TK2: variants seen among roughly 807,000 people sequenced by gnomAD.
TK2 encodes the protein thymidine kinase 2, mitochondrial.
In TK2, 35 loss-of-function variants were observed where a neutral mutation model predicts 41.9. The observed-to-expected ratio is 0.84, with a 90% confidence interval of 0.64 to 1.11. The LOEUF (loss-of-function observed/expected upper bound fraction) is 1.11, where lower values mean the gene tolerates loss of function less well. Among genes scored for constraint, TK2 ranks in the 50% least tolerant of loss-of-function variants. The pLI is 0.00. For synonymous variants in TK2, 128 were observed against 129.1 expected (o/e 0.99, Z 0.06); for missense variants, 320 against 351.1 (o/e 0.91, Z 0.71).
Position 66,550,055 on chromosome 16 carries a change from G to A in TK2, c.7C>T (p.Leu3=). Residue 3 remains leucine (L), a synonymous_variant, in exon 1 of 10, where the codon CTG becomes TTG. Transcript: ENST00000544898. ML[L]WPLRGWAARA... is the part of the protein sequence containing the mutation. Reference sequence around the variant, plus strand: ...GCGGCCCAGCCCCGCAGCGGCCACAGCAGCATAGCCGGGCGAGCGGATCCA... The same window carrying A: ...GCGGCCCAGCCCCGCAGCGGCCACAACAGCATAGCCGGGCGAGCGGATCCA... 1 of 1,579,090 alleles carries A rather than the reference G, an allele frequency of 6.3e-7. No homozygotes were observed. Among genetic ancestry groups the A allele is most frequent in the Non-Finnish European group, 8.6e-7 (1 of 1,164,220 alleles).
At chr16:66,537,262 T>G (rs1037690939) in intron 3 of TK2, among the ~76,000 whole-genome samples, 1 of 152,214 alleles carries the variant, frequency 6.6e-6, no homozygotes, top group Non-Finnish European at 1.5e-5. Flanking sequence ...TTACCCAATG[T>G]GCCAAGCATA....
intron 6 of TK2, among the ~76,000 whole-genome samples, chr16:66,520,760 T>C (rs1303862971): frequency 6.6e-6 from 1 of 152,180 alleles, no homozygotes; most frequent in African/African-American, 2.4e-5. Flanking sequence ...GACACCTCAT[T>C]GTTCAGGCTA....
chr16:66,549,325 G>A (rs1965708636), intron 1 of TK2: 1 of 1,174,284 alleles, frequency 8.5e-7, no homozygotes, highest in Non-Finnish European at 1.1e-6. Flanking sequence ...AGGCAGAACA[G>A]CCTCCACTCG....
At position 66,510,942 on chromosome 16, in the gene TK2, A is replaced by G. The variant is rs1188513168; in HGVS notation, c.*1026T>C. ...ATGGCTCGAGGCATTTCCCTGGATG[A>G]AATAACACTTCAAAAAGACTTAAGG... is the stretch of plus-strand genomic sequence containing the variant. On this transcript the variant is annotated 3_prime_UTR_variant, in exon 10 of 10. Transcript: ENST00000544898. 1 of 152,176 alleles carries G rather than the reference A, an allele frequency of 6.6e-6. No homozygotes were observed. Among genetic ancestry groups the G allele is most frequent in the Non-Finnish European group, 1.5e-5 (1 of 68,044 alleles). 9.4% of individuals were successfully genotyped at this position (152,176 alleles called of 1,614,324 possible). A position where few individuals can be genotyped will look rare whatever the true frequency, so the allele number is the denominator to read the frequency against.
At chr16:66,518,070 C>T (rs981073066) in intron 6 of TK2, 193 bp from the exon 7 acceptor site, 19 of 635,818 alleles carry the variant, frequency 3.0e-5, no homozygotes, top group Non-Finnish European at 4.3e-5. Flanking sequence ...TGCCTGGGAG[C>T]GGCTTATGGC....
chr16:66,511,713 C>T lies in TK2; in HGVS notation c.*255G>A. 3 of 561,942 alleles carry T rather than the reference C, an allele frequency of 5.3e-6. No homozygotes were observed. Among genetic ancestry groups the T allele is most frequent in the Non-Finnish European group, 9.6e-6 (3 of 311,828 alleles). The allele number at this position is 561,942 out of a possible 1,614,324, so 34.8% of individuals were successfully genotyped here. A position where few individuals can be genotyped will look rare whatever the true frequency, so the allele number is the denominator to read the frequency against. The stretch of plus-strand genomic sequence containing the variant: ...TGAGAGCGACTCAGCAGCACAAAGC[C>T]ATGGGAGAGGCACCGGGGGAATGTG... On this transcript the variant is annotated 3_prime_UTR_variant, in exon 10 of 10. Coordinates refer to ENST00000544898, the MANE Select transcript of TK2 (RefSeq NM_004614.5).
chr16:66,512,006 G>A lies in TK2; in HGVS notation c.760C>T (p.Arg254Ter), dbSNP rs281865498. Residue 254 changes from arginine (R) to a stop codon, truncating the protein, a stop_gained, in exon 10 of 10, where the codon CGA (arginine) becomes TGA (stop). Coordinates refer to ENST00000544898, the MANE Select transcript of TK2 (RefSeq NM_004614.5). LOFTEE classifies it high-confidence loss of function. ...TTCCGATTCTCTGGAGTTAATATTC[G>A]ATCCCGATTTTGTTCAAAGAGTTCT... ...MLELFEQNRD[R>*]ILTPENRKHC... The A allele has an allele frequency of 1.9e-6, 3 of 1,614,134 alleles. No homozygotes were observed. Among genetic ancestry groups the A allele is most frequent in the Non-Finnish European group, 2.5e-6 (3 of 1,180,034 alleles).
Position 66,511,651 on chromosome 16 carries a change from G to A in TK2, c.*317C>T, listed in dbSNP as rs539934078. 1.1e-4 allele frequency: 47 copies of A among 441,850 alleles called. No homozygotes were observed. The Admixed American group carries it at 1.1e-3, about 10-fold the overall frequency. 27.4% of individuals were successfully genotyped at this position (441,850 alleles called of 1,614,324 possible). A position where few individuals can be genotyped will look rare whatever the true frequency, so the allele number is the denominator to read the frequency against. Reference sequence around the variant, plus strand: ...GATTGGTACACAGCTCCAGCGTGGTGTCAGGCACACAACAGGTGCTCTCCC... The same window carrying A: ...GATTGGTACACAGCTCCAGCGTGGTATCAGGCACACAACAGGTGCTCTCCC... On this transcript the variant is annotated 3_prime_UTR_variant, in exon 10 of 10. Transcript: ENST00000544898.
In TK2 at chr16:66,513,748, T is replaced by C. The variant is rs766038334; in HGVS notation, c.682A>G (p.Met228Val). Residue 228 changes from methionine (M) to valine (V), a missense_variant, in exon 9 of 10, where the codon ATG becomes GTG. Met to Val is a conservative substitution (Grantham distance 21, BLOSUM62 1). Coordinates refer to ENST00000544898, the MANE Select transcript of TK2 (RefSeq NM_004614.5). ...EWLIKGSLFP[M>V]AAPVLVIEAD... is the part of the protein sequence containing the mutation. Reference sequence around the variant, plus strand: ...TTACTTACCAGAACAGGGGCTGCCATGGGGAAAAGGCTGCCTTTGATGAGC... The same window carrying C: ...TTACTTACCAGAACAGGGGCTGCCACGGGGAAAAGGCTGCCTTTGATGAGC... 1.9e-6 allele frequency: 3 copies of C among 1,613,794 alleles called. No individual in the cohort carries two copies. Among genetic ancestry groups the C allele is most frequent in the Non-Finnish European group, 2.5e-6 (3 of 1,179,950 alleles).
Position 66,513,970 on chromosome 16 carries a change from G to A in TK2, c.619-159C>T. On this transcript the variant is annotated intron_variant, in intron 8 of 9. Transcript: ENST00000544898. ...AACCTGGCTCAAGTGGACAGCGGCAGACGCAGCCACACACTCGGTGGCCAG... is the reference window on the plus strand; with the variant it reads ...AACCTGGCTCAAGTGGACAGCGGCAAACGCAGCCACACACTCGGTGGCCAG... 6 of 707,380 alleles carry A rather than the reference G, an allele frequency of 8.5e-6. No homozygotes were observed. In the South Asian group the frequency reaches 9.0e-5, roughly 11 times the overall value. 43.8% of individuals were successfully genotyped at this position (707,380 alleles called of 1,614,324 possible).
intron 1 of TK2, 41 bp downstream of exon 1, chr16:66,549,897 G>A (rs769423521): frequency 3.8e-6 from 5 of 1,333,026 alleles, no homozygotes; most frequent in Non-Finnish European, 4.8e-6. Context: ...GTAGGTGGGC[G>A]CATAGGGGCT....
rs137886900 is a variant in TK2, at chr16:66,517,207, G to A, written c.547C>T (p.Arg183Trp). 126 of 1,613,922 alleles carry A rather than the reference G, an allele frequency of 7.8e-5. No individual in the cohort carries two copies. Among genetic ancestry groups the A allele is most frequent in the African/African-American group, 8.0e-5 (6 of 74,914 alleles). ...TGGTAACAAGTCTCAGGATTGGTCC[G>A]AAGGTAAACTGAGGTTAAAAGAATA... ...DVSVDLIVYL[R>W]TNPETCYQRL... Residue 183 changes from arginine (R) to tryptophan (W), a missense_variant, in exon 8 of 10, where the codon CGG (arginine) becomes TGG (tryptophan). Transcript: ENST00000544898. The surrounding 1 kb of genome is among the most constrained non-coding windows in gnomAD (Gnocchi z 4.3).
At chr16:66,539,602 GAAAA>G (rs775031607) in intron 3 of TK2, among the ~76,000 whole-genome samples, 8 of 49,280 alleles carry the variant, frequency 1.6e-4, no homozygotes, top group Non-Finnish European at 2.8e-4. Context: ...CTCCATCTCA[GAAAA>G]AAAAAAAAAA....
intron 6 of TK2, among the ~76,000 whole-genome samples, chr16:66,525,997 G>A (rs555264094): frequency 6.6e-6 from 1 of 152,308 alleles, no homozygotes; most frequent in African/African-American, 2.4e-5. Flanking sequence ...GACCAATGCC[G>A]TAACCACAGA....
intron 3 of TK2, among the ~76,000 whole-genome samples, chr16:66,538,768 G>T (rs1370771726): frequency 6.6e-6 from 1 of 152,158 alleles, no homozygotes; most frequent in Non-Finnish European, 1.5e-5. Context: ...CAGGGGACAC[G>T]GAGCTCAGAT....
intron 2 of TK2, among the ~76,000 whole-genome samples, chr16:66,547,275 T>C (rs1965638175): frequency 6.6e-6 from 1 of 152,024 alleles, no homozygotes; most frequent in East Asian, 1.9e-4. Context: ...CATCTCTAGT[T>C]TAGTTAAGGT....
intron 2 of TK2, among the ~76,000 whole-genome samples, chr16:66,547,552 T>C (rs537860279): frequency 7.9e-5 from 12 of 152,130 alleles, no homozygotes; most frequent in Admixed American, 6.5e-4. Context: ...CTGCTCCATC[T>C]CCCAGCAGGC....
chr16:66,528,892 C>A, intron 6 of TK2, 102 bp downstream of exon 6: 1 of 1,117,336 alleles, frequency 8.9e-7, no homozygotes, highest in South Asian at 1.3e-5. Context: ...ATAACTGATA[C>A]AACAGCGGGT....
At chr16:66,547,842 C>T (rs1473234743) in intron 2 of TK2, 2 of 1,201,130 alleles carry the variant, frequency 1.7e-6, no homozygotes, top group Non-Finnish European at 2.1e-6. Flanking sequence ...GGCTCCATAC[C>T]ACTTTCTATG....
Sources: gnomAD v4.1 joint callset for allele counts (sites outside exome capture counted in the v4.1 genomes callset) on GRCh38, gnomAD v4.1.1 for gene constraint, Gnocchi (gnomAD v3.1) non-coding constraint, MANE v1.5 for transcripts, NCBI Gene and HGNC (gene_info 2026-07-23, HGNC 2026-07-21) for gene names.